CNTNAP2: variants seen among roughly 807,000 people sequenced by gnomAD.
CNTNAP2 encodes the protein contactin associated protein 2, also known as contactin-associated protein-like 2.
Under a neutral mutation model 155.2 loss-of-function variants are expected in CNTNAP2, and 98 were observed. That is an observed-to-expected ratio of 0.63 (90% CI 0.54 to 0.75). The LOEUF (loss-of-function observed/expected upper bound fraction) is 0.75. CNTNAP2 is among the 30% of genes least tolerant of loss of function. The probability of loss-of-function intolerance (pLI) is 0.00; values close to 1 mark genes in which losing one functional copy is unlikely to be tolerated. For missense variants in CNTNAP2, 1,727 were observed against 1,688.1 expected (o/e 1.02, Z -0.40); for synonymous variants, 651 against 631.2 (o/e 1.03, Z -0.47).
At chr7:146,408,999 T>A (rs1483599454) in intron 1 of CNTNAP2, among the ~76,000 whole-genome samples, 1 of 152,162 alleles carries the variant, frequency 6.6e-6, no homozygotes, top group African/African-American at 2.4e-5. Context: ...GATGACTATA[T>A]ATATAATAAT....
chr7:148,213,062 C>T (rs1795575163), intron 18 of CNTNAP2, among the ~76,000 whole-genome samples: 1 of 152,154 alleles, frequency 6.6e-6, no homozygotes. Flanking sequence ...TCCAGGGCAG[C>T]TGATAAACGC....
At chr7:147,315,642 G>A (rs545345664) in intron 9 of CNTNAP2, among the ~76,000 whole-genome samples, 7 of 151,824 alleles carry the variant, frequency 4.6e-5, no homozygotes, top group South Asian at 4.2e-4. Flanking sequence ...CCACACGCCC[G>A]GCTAATTTTT....
At chr7:147,339,573 C>T (rs1795724926) in intron 9 of CNTNAP2, among the ~76,000 whole-genome samples, 1 of 151,938 alleles carries the variant, frequency 6.6e-6, no homozygotes, top group African/African-American at 2.4e-5. Context: ...GTTATTGCAG[C>T]ACTAAACAAA....
At chr7:147,438,127 A>G (rs1797582262) in intron 10 of CNTNAP2, among the ~76,000 whole-genome samples, 1 of 151,970 alleles carries the variant, frequency 6.6e-6, no homozygotes, top group Non-Finnish European at 1.5e-5. Context: ...TGATTGTTTT[A>G]TCTAGGACTT....
intron 12 of CNTNAP2, among the ~76,000 whole-genome samples, chr7:147,584,439 C>A (rs1204113407): frequency 6.6e-6 from 1 of 152,140 alleles, no homozygotes; most frequent in Admixed American, 6.5e-5. Flanking sequence ...TTTAGAAAGT[C>A]ATTTCCTTAT....
intron 3 of CNTNAP2, among the ~76,000 whole-genome samples, chr7:146,999,242 G>GC (rs1798376636): frequency 1.1e-5 from 1 of 87,398 alleles, no homozygotes; most frequent in African/African-American, 5.7e-5. Flanking sequence ...AAGTTTGATT[G>GC]CAAAAAAAAA....
intron 15 of CNTNAP2, among the ~76,000 whole-genome samples, chr7:147,990,288 C>A (rs981307143): frequency 9.2e-5 from 14 of 152,140 alleles, no homozygotes; most frequent in Non-Finnish European, 1.9e-4. Flanking sequence ...GAAAGAAACA[C>A]AAAAGGCAGC....
intron 21 of CNTNAP2, among the ~76,000 whole-genome samples, chr7:148,289,630 C>T (rs572349430): frequency 2.4e-4 from 36 of 152,088 alleles, no homozygotes; most frequent in African/African-American, 8.2e-4. Context: ...GGTAAAGGAA[C>T]AGAATTGCTC....
At chr7:147,463,958 TAAAAAAAAAAA>T (rs34032978) in intron 10 of CNTNAP2, among the ~76,000 whole-genome samples, 1 of 82,968 alleles carries the variant, frequency 1.2e-5, no homozygotes. Flanking sequence ...GCCCCACTAC[TAAAAAAAAAAA>T]AAAAAAAAAA....
intron 8 of CNTNAP2, among the ~76,000 whole-genome samples, chr7:147,212,596 A>G (rs1422750970): frequency 6.6e-6 from 1 of 152,134 alleles, no homozygotes; most frequent in Admixed American, 6.6e-5. Flanking sequence ...GTGAAGAGGT[A>G]GGGATGTGGA....
At chr7:147,471,808 G>T (rs551015947) in intron 10 of CNTNAP2, among the ~76,000 whole-genome samples, 1 of 152,300 alleles carries the variant, frequency 6.6e-6, no homozygotes, top group South Asian at 2.1e-4. Flanking sequence ...GACTGACAAT[G>T]AACCCGAGAG....
At chr7:148,205,319 C>T (rs367553295) in intron 18 of CNTNAP2, among the ~76,000 whole-genome samples, 6 of 152,316 alleles carry the variant, frequency 3.9e-5, no homozygotes, top group African/African-American at 1.2e-4. Flanking sequence ...AGTAAGTCTA[C>T]AAATATGTAG....
intron 9 of CNTNAP2, among the ~76,000 whole-genome samples, chr7:147,347,461 T>TATATATATATACATATATATATATATGC: frequency 1.6e-5 from 1 of 62,526 alleles, no homozygotes; most frequent in South Asian, 5.2e-4. Flanking sequence ...TATATGCATA[T>TATATATATATACATATATATATATATGC]ATATATATAT....
intron 13 of CNTNAP2, among the ~76,000 whole-genome samples, chr7:147,651,677 G>C (rs758200199): frequency 6.6e-6 from 1 of 152,084 alleles, no homozygotes; most frequent in Non-Finnish European, 1.5e-5. Flanking sequence ...GCCAAACAAA[G>C]TTAGAACAAT....
At chr7:146,360,996 ACAT>A (rs1159964914) in intron 1 of CNTNAP2, among the ~76,000 whole-genome samples, 1 of 152,196 alleles carries the variant, frequency 6.6e-6, no homozygotes. Context: ...ATTACATATA[ACAT>A]CGTGATGTTT....
intron 16 of CNTNAP2, among the ~76,000 whole-genome samples, chr7:148,125,978 T>C (rs1280684561): frequency 1.3e-5 from 2 of 152,104 alleles, no homozygotes; most frequent in Non-Finnish European, 2.9e-5. Context: ...ACTGGGATTA[T>C]AGGTATAAGC....
chr7:148,247,632 T>TTTAC (rs1796292408), intron 20 of CNTNAP2, among the ~76,000 whole-genome samples: 1 of 140,890 alleles, frequency 7.1e-6, no homozygotes, highest in Non-Finnish European at 1.5e-5. Flanking sequence ...TCTCTATTTA[T>TTTAC]TTATTTATTT....
Position 146,756,938 on chromosome 7 carries a change from G to A in CNTNAP2, c.98-17333G>A, listed in dbSNP as rs148634558. Among the ~76,000 whole-genome samples the A allele has an allele frequency of 4.6e-5, 7 of 152,102 alleles. No homozygotes were observed. In the East Asian group the frequency reaches 5.8e-4, roughly 13 times the overall value. On this transcript the variant is annotated intron_variant, in intron 1 of 23. Transcript: ENST00000361727. ...TATACAGGTCACAGGGCACTGCCTCGTGGTTATTTCTAATCCACCCCACAG... is the reference window on the plus strand; with the variant it reads ...TATACAGGTCACAGGGCACTGCCTCATGGTTATTTCTAATCCACCCCACAG...
intron 1 of CNTNAP2, among the ~76,000 whole-genome samples, chr7:146,721,668 T>A (rs1165830780): frequency 8.3e-6 from 1 of 119,906 alleles, no homozygotes; most frequent in Non-Finnish European, 1.6e-5. Context: ...ATACATTCTA[T>A]ATATATACTA....
Sources: allele counts gnomAD v4.1 joint callset (sites outside exome capture counted in the v4.1 genomes callset), GRCh38; gene constraint gnomAD v4.1.1; transcripts MANE v1.5; gene names NCBI Gene and HGNC (gene_info 2026-07-23, HGNC 2026-07-21).